The following CNTNAP2 variants were observed in gnomAD, a reference collection of about 807,000 sequenced individuals.
The protein encoded by CNTNAP2 is contactin-associated protein-like 2.
A neutral mutation model predicts 155.2 loss-of-function variants in CNTNAP2; 98 were observed. That is an observed-to-expected ratio of 0.63 (90% confidence interval 0.54 to 0.75). CNTNAP2 has a LOEUF of 0.75. CNTNAP2 is among the 30% of genes least tolerant of loss of function. The probability of loss-of-function intolerance (pLI) is 0.00; values close to 1 mark genes in which losing one functional copy is unlikely to be tolerated. For missense variants in CNTNAP2, 1,727 were observed against 1,688.1 expected (o/e 1.02, Z -0.40); for synonymous variants, 651 against 631.2 (o/e 1.03, Z -0.47).
intron 1 of CNTNAP2, among the ~76,000 whole-genome samples, chr7:146,421,107 C>T (rs1796005771): frequency 6.6e-6 from 1 of 151,892 alleles, no homozygotes; most frequent in African/African-American, 2.4e-5. Context: ...TACAACTGAG[C>T]TAAAAATTTG....
intron 15 of CNTNAP2, among the ~76,000 whole-genome samples, chr7:148,082,423 A>G (rs1354128211): frequency 6.6e-6 from 1 of 152,174 alleles, no homozygotes; most frequent in Non-Finnish European, 1.5e-5. Flanking sequence ...TGGAGGGAAC[A>G]CTTATTGATT....
At chr7:147,251,350 G>C (rs1400088313) in intron 8 of CNTNAP2, among the ~76,000 whole-genome samples, 2 of 152,148 alleles carry the variant, frequency 1.3e-5, no homozygotes, top group African/African-American at 2.4e-5. Flanking sequence ...TGCTCTCTCT[G>C]AACTGGTTTG....
intron 1 of CNTNAP2, among the ~76,000 whole-genome samples, chr7:146,189,081 A>G (rs1201028735): frequency 6.6e-6 from 1 of 152,216 alleles, no homozygotes; most frequent in East Asian, 1.9e-4. Context: ...ACAGATTGAT[A>G]ATAAATCTAT....
At chr7:148,406,196 C>T (rs1298797672) in intron 22 of CNTNAP2, among the ~76,000 whole-genome samples, 2 of 151,724 alleles carry the variant, frequency 1.3e-5, no homozygotes, top group African/African-American at 4.8e-5. Context: ...CGCGCCACTG[C>T]ACTCCAACCT....
chr7:148,312,875 T>A (rs11768638), intron 21 of CNTNAP2, among the ~76,000 whole-genome samples: 88,899 of 147,056 alleles, frequency 0.6, 27,316 homozygotes, highest in Non-Finnish European at 0.69. Context: ...GAGGGAGTAG[T>A]GGTGTCCTAT....
intron 4 of CNTNAP2, among the ~76,000 whole-genome samples, chr7:147,059,637 T>C (rs758800469): frequency 3.9e-5 from 6 of 152,116 alleles, no homozygotes; most frequent in Non-Finnish European, 8.8e-5. Flanking sequence ...CTATACCTAG[T>C]AGGAAATATT....
intron 1 of CNTNAP2, among the ~76,000 whole-genome samples, chr7:146,448,927 C>G (rs183670923): frequency 6.6e-6 from 1 of 152,200 alleles, no homozygotes; most frequent in East Asian, 1.9e-4. Flanking sequence ...CATCCTCTTT[C>G]ATCTCTTTTT....
chr7:147,672,934 A>G (rs896846643), intron 13 of CNTNAP2: 2 of 152,198 alleles, frequency 1.3e-5, no homozygotes, highest in Non-Finnish European at 2.9e-5. Flanking sequence ...GAATTCCCCA[A>G]ATCAAAAGTA....
chr7:147,894,833 A>G (rs1799750218), intron 13 of CNTNAP2, among the ~76,000 whole-genome samples: 1 of 151,850 alleles, frequency 6.6e-6, no homozygotes, highest in Admixed American at 6.6e-5. Context: ...AATCACAGGT[A>G]TGCACCTCAT....
intron 1 of CNTNAP2, among the ~76,000 whole-genome samples, chr7:146,484,232 T>G (rs1195501672): frequency 6.6e-6 from 1 of 152,216 alleles, no homozygotes. Flanking sequence ...TGGTTAAGTA[T>G]GCTATATGAT....
chr7:146,566,030 A>G (rs1290174422), intron 1 of CNTNAP2, among the ~76,000 whole-genome samples: 2 of 152,196 alleles, frequency 1.3e-5, no homozygotes, highest in Non-Finnish European at 2.9e-5. Flanking sequence ...GTGACTCTGT[A>G]ATGGCTGCAG....
At chr7:147,789,432 A>C (rs982855453) in intron 13 of CNTNAP2, among the ~76,000 whole-genome samples, 1 of 152,262 alleles carries the variant, frequency 6.6e-6, no homozygotes, top group Middle Eastern at 3.4e-3. Flanking sequence ...GCATCTTCTT[A>C]TCACTCTTAG....
At chr7:147,287,390 A>T (rs1805204250) in intron 8 of CNTNAP2, among the ~76,000 whole-genome samples, 1 of 152,078 alleles carries the variant, frequency 6.6e-6, no homozygotes, top group African/African-American at 2.4e-5. Flanking sequence ...AAACTGACTT[A>T]GCAGGGTTCT....
At chr7:146,179,289 C>T (rs1219711282) in intron 1 of CNTNAP2, among the ~76,000 whole-genome samples, 1 of 151,926 alleles carries the variant, frequency 6.6e-6, no homozygotes, top group Non-Finnish European at 1.5e-5. Context: ...TAACTTGGGA[C>T]ATGGGGTAAA....
chr7:147,994,729 T>G (rs1801772065), intron 15 of CNTNAP2, among the ~76,000 whole-genome samples: 1 of 152,196 alleles, frequency 6.6e-6, no homozygotes, highest in African/African-American at 2.4e-5. Flanking sequence ...TAAACCTCTT[T>G]CTTTTGTAAA....
At chr7:148,356,747 C>T (rs1288025135) in intron 21 of CNTNAP2, among the ~76,000 whole-genome samples, 11 of 152,098 alleles carry the variant, frequency 7.2e-5, no homozygotes, top group Admixed American at 7.2e-4. Flanking sequence ...ACCTTTCCAT[C>T]CCTTCTGCCA....
At chr7:147,990,135 T>C (rs1801686058) in intron 15 of CNTNAP2, among the ~76,000 whole-genome samples, 1 of 152,196 alleles carries the variant, frequency 6.6e-6, no homozygotes, top group South Asian at 2.1e-4. Context: ...GCTATACTTA[T>C]AATCAGAGTT....
chr7:147,401,697 C>G (rs1012648718), intron 10 of CNTNAP2, among the ~76,000 whole-genome samples: 1 of 152,056 alleles, frequency 6.6e-6, no homozygotes, highest in Non-Finnish European at 1.5e-5. Flanking sequence ...TTCCCCCTTA[C>G]CGTTCTCATG....
intron 15 of CNTNAP2, among the ~76,000 whole-genome samples, chr7:148,055,589 C>T (rs945880782): frequency 3.3e-5 from 5 of 152,132 alleles, no homozygotes; most frequent in Non-Finnish European, 7.3e-5. Flanking sequence ...AATGCAGAAC[C>T]TAGTGAGATC....
Sources: gnomAD v4.1 joint callset for allele counts (sites outside exome capture counted in the v4.1 genomes callset) on GRCh38, gnomAD v4.1.1 for gene constraint, MANE v1.5 for transcripts, NCBI Gene and HGNC (gene_info 2026-07-23, HGNC 2026-07-21) for gene names.